TTLL7: variants seen among roughly 807,000 people sequenced by gnomAD.
The protein encoded by TTLL7 is tubulin tyrosine ligase like 7, also known as tubulin polyglutamylase TTLL7.
TTLL7 carries 53 observed loss-of-function variants against 120.2 expected under a neutral mutation model. The observed-to-expected ratio is 0.44, with a 90% CI of 0.35 to 0.55. The LOEUF (loss-of-function observed/expected upper bound fraction) is 0.55, where lower values mean the gene tolerates loss of function less well. TTLL7 is among the 20% of genes least tolerant of loss of function. TTLL7 has a pLI of 0.00. For synonymous variants in TTLL7, 353 were observed against 351.7 expected, an observed-to-expected ratio of 1.00 and a Z score of -0.04; for missense variants, 803 against 1,054.7, an observed-to-expected ratio of 0.76 and a Z score of 3.31.
intron 1 of TTLL7, among the ~76,000 whole-genome samples, chr1:83,957,474 A>G (rs1649629722): frequency 6.6e-6 from 1 of 152,210 alleles, no homozygotes; most frequent in Non-Finnish European, 1.5e-5. Context: ...AGGAAGGAGA[A>G]AAGAACCAGT....
intron 19 of TTLL7, among the ~76,000 whole-genome samples, chr1:83,884,137 GGA>G (rs766467166): frequency 3.5e-4 from 52 of 148,056 alleles, no homozygotes; most frequent in African/African-American, 8.2e-4. Context: ...AGGGAGGGAG[GGA>G]GAGAGAGAGA....
chr1:83,887,977 A>G (rs1228917587), intron 19 of TTLL7, among the ~76,000 whole-genome samples: 1 of 151,998 alleles, frequency 6.6e-6, no homozygotes, highest in Non-Finnish European at 1.5e-5. Context: ...AATAGATACC[A>G]CCAGAGAAAC....
At chr1:83,898,247 T>C (rs544787348) in intron 18 of TTLL7, among the ~76,000 whole-genome samples, 1 of 152,108 alleles carries the variant, frequency 6.6e-6, no homozygotes, top group South Asian at 2.1e-4. Flanking sequence ...ATACCCCATA[T>C]GAAGAATTCT....
intron 1 of TTLL7, chr1:83,984,082 C>T (rs1278463973): frequency 7.8e-6 from 1 of 128,262 alleles, no homozygotes. Flanking sequence ...CAGAGTGAGA[C>T]CCTGTTTCAA....
At chr1:83,900,804 G>T (rs2100751095) in intron 18 of TTLL7, among the ~76,000 whole-genome samples, 1 of 152,078 alleles carries the variant, frequency 6.6e-6, no homozygotes, top group Middle Eastern at 3.4e-3. Flanking sequence ...CTTTTCTAAA[G>T]ACTTGTACCA....
intron 8 of TTLL7, 74 bp downstream of exon 8, chr1:83,937,778 C>T (rs1647565037): frequency 6.4e-7 from 1 of 1,561,630 alleles, no homozygotes; most frequent in Non-Finnish European, 8.8e-7. Flanking sequence ...TCTTAATGAA[C>T]TTTCATGGCC....
intron 1 of TTLL7, 93 bp from the exon 2 acceptor site, chr1:83,952,480 A>G (rs1293886139): frequency 2.9e-6 from 1 of 347,680 alleles, no homozygotes; most frequent in Admixed American, 4.5e-5. Context: ...AGTCAAGGTG[A>G]AAGTTAATGT....
chr1:83,907,566 A>G lies in TTLL7; in HGVS notation c.1882T>C (p.Ser628Pro). ...TRPFSAQQMI[S>P]VSRPTSASRS... ...GATGCAGAAGTTGGCCGTGACACAG[A>G]TATCATTTGTTGAGCAGAAAATGGG... is the stretch of plus-strand genomic sequence containing the variant. The change falls in exon 16 of 21, where the codon TCT becomes CCT. Residue 628 changes from serine (S) to proline (P), a missense_variant. Around this residue, in one of 3 missense-constraint regions of TTLL7, gnomAD observed 388 missense variants for 450.4 expected, o/e 0.86. Transcript: ENST00000260505. 2 of 1,613,424 alleles carry G rather than the reference A, an allele frequency of 1.2e-6. No homozygotes were observed. The highest frequency in any genetic ancestry group is 1.7e-6 in the Non-Finnish European group (2 of 1,179,586).
chr1:83,892,950 G>GAAAGA, intron 18 of TTLL7, among the ~76,000 whole-genome samples: 1 of 89,210 alleles, frequency 1.1e-5, no homozygotes, highest in Non-Finnish European at 2.0e-5. Context: ...AAGAAAGAAA[G>GAAAGA]AAAAGAATAA....
intron 1 of TTLL7, among the ~76,000 whole-genome samples, chr1:83,996,494 A>T (rs1287412089): frequency 6.6e-6 from 1 of 152,136 alleles, no homozygotes; most frequent in African/African-American, 2.4e-5. Context: ...AGTCTCTGAG[A>T]CTGATTTAAT....
intron 4 of TTLL7, 166 bp downstream of exon 4, chr1:83,949,699 G>T (rs553945919): frequency 3.1e-6 from 2 of 645,810 alleles, no homozygotes; most frequent in South Asian, 2.2e-5. Context: ...AAAGATGCAG[G>T]CTTCATGCAA....
chr1:83,911,296 CT>C lies in TTLL7; in HGVS notation c.1654del (p.Ser552ValfsTer40). On this transcript the variant is annotated frameshift_variant, in exon 15 of 21. Coordinates refer to ENST00000260505, the MANE Select transcript of TTLL7 (RefSeq NM_024686.6). LOFTEE classifies it high-confidence loss of function. ...KRPKYCSSDS[S>X]YDSSSSSSES... ...TGAAGAGCTGCTGCTACTATCATAA[CT>C]GCTGTCACTGCTGCAGTACTTTGGT... 1.9e-6 allele frequency: 3 copies of C among 1,613,762 alleles called. No individual in the cohort carries two copies. The highest frequency in any genetic ancestry group is 2.5e-6 in the Non-Finnish European group (3 of 1,179,810).
chr1:83,952,863 T>C (rs556720423), intron 1 of TTLL7, among the ~76,000 whole-genome samples: 3 of 152,338 alleles, frequency 2.0e-5, no homozygotes, highest in African/African-American at 7.2e-5. Context: ...CTAATGTCAA[T>C]GCCAGAGTGT....
At chr1:83,973,412 T>C (rs897685125) in intron 1 of TTLL7, among the ~76,000 whole-genome samples, 2 of 152,124 alleles carry the variant, frequency 1.3e-5, no homozygotes, top group Non-Finnish European at 1.5e-5. Context: ...CTCTCTATTT[T>C]GTCCTATTGA....
rs181528099 is a variant in TTLL7, at chr1:83,883,104, G to A, written c.2402C>T (p.Pro801Leu). 7.8e-5 allele frequency: 125 copies of A among 1,609,576 alleles called. No homozygotes were observed. In the East Asian group the frequency reaches 1.2e-3, roughly 16 times the overall value. ...GAGCTGCAAAGGAGTCACCACCTCC[G>A]GGCTTTTATTGAATATACTCTCCCA... ...SSWESIFNKS[P>L]EVVTPLQLQC... is the part of the protein sequence containing the mutation. The change falls in exon 20 of 21, where the codon CCG becomes CTG. Residue 801 changes from proline to leucine, a missense_variant. This residue lies in a region of TTLL7 where 388 missense variants were observed against 450.4 expected (regional missense o/e 0.86). Transcript: ENST00000260505.
chr1:83,989,165 C>G lies in TTLL7; in HGVS notation c.-177+9766G>C, dbSNP rs1652754450. 1.3e-5 allele frequency among the ~76,000 whole-genome samples: 2 copies of G among 152,314 alleles called. 1 individual carries two copies. Among genetic ancestry groups the G allele is most frequent in the South Asian group, 4.1e-4 (2 of 4,824 alleles). On this transcript the variant is annotated intron_variant, in intron 1 of 20. Transcript: ENST00000260505. Reference sequence around the variant, plus strand: ...TCTGCTGTTAGTTTATTTTGCCGTACAGAAGCTCTTTACTTTGGCTAGGTC... The same window carrying G: ...TCTGCTGTTAGTTTATTTTGCCGTAGAGAAGCTCTTTACTTTGGCTAGGTC...
chr1:83,916,374 A>C (rs969823409), intron 14 of TTLL7, among the ~76,000 whole-genome samples: 5 of 152,094 alleles, frequency 3.3e-5, no homozygotes, highest in Non-Finnish European at 5.9e-5. Flanking sequence ...CATCATCCTC[A>C]GCAAACTATT....
At chr1:83,963,721 G>T (rs1271875685) in intron 1 of TTLL7, among the ~76,000 whole-genome samples, 1 of 152,030 alleles carries the variant, frequency 6.6e-6, no homozygotes, top group African/African-American at 2.4e-5. Flanking sequence ...CACACAGCCT[G>T]GAACACATGA....
chr1:83,889,061 G>C (rs1004996593), intron 19 of TTLL7, among the ~76,000 whole-genome samples: 1 of 151,962 alleles, frequency 6.6e-6, no homozygotes, highest in Non-Finnish European at 1.5e-5. Flanking sequence ...CCCAAGACTG[G>C]GTAATTTACA....
Sources: allele counts gnomAD v4.1 joint callset (sites outside exome capture counted in the v4.1 genomes callset), GRCh38; gene constraint gnomAD v4.1.1; regional missense constraint gnomAD v4.1.1; transcripts MANE v1.5; gene names NCBI Gene and HGNC (gene_info 2026-07-23, HGNC 2026-07-21).